PTK2B: variants seen among roughly 807,000 people sequenced by gnomAD.
PTK2B encodes the protein protein tyrosine kinase 2 beta.
A neutral mutation model predicts 142.9 loss-of-function variants in PTK2B; 71 were observed. That is an observed-to-expected ratio of 0.50 (90% CI 0.41 to 0.61). PTK2B has a LOEUF of 0.61. Ranked by LOEUF, PTK2B falls within the 20% of genes least tolerant of loss-of-function variation. The probability of loss-of-function intolerance (pLI) is 0.00; values close to 1 mark genes in which losing one functional copy is unlikely to be tolerated. For synonymous variants in PTK2B, 519 were observed against 503.4 expected, an observed-to-expected ratio of 1.03 and a Z score of -0.42; for missense variants, 1,105 against 1,320.4, an observed-to-expected ratio of 0.84 and a Z score of 2.53.
In PTK2B at chr8:27,397,505, T is replaced by C. The variant is rs527249328; in HGVS notation, c.-37-43T>C. ...CCTGGGGCCATGAGGTATGTGGGCC[T>C]GTGTGGGGCTCTTTCAGGGCTGACC... On this transcript the variant is annotated intron_variant, in intron 1 of 30. Coordinates refer to ENST00000346049, the MANE Select transcript of PTK2B (RefSeq NM_173176.3). 7.0e-5 allele frequency: 103 copies of C among 1,468,336 alleles called. No homozygotes were observed. The African/African-American group carries it at 1.2e-3, about 18-fold the overall frequency. The allele number at this position is 1,468,336 out of a possible 1,614,324, so 91.0% of individuals were successfully genotyped here. A position where few individuals can be genotyped will look rare whatever the true frequency, so the allele number is the denominator to read the frequency against.
Position 27,396,360 on chromosome 8 carries a change from C to T in PTK2B, c.-37-1188C>T, listed in dbSNP as rs1808051535. The T allele has an allele frequency of 2.0e-5, 3 of 152,236 alleles. No homozygotes were observed. In the South Asian group the frequency reaches 6.2e-4, roughly 32 times the overall value. The allele number at this position is 152,236 out of a possible 1,614,324, so 9.4% of individuals were successfully genotyped here. ...GTCAACTCCATCATTTTGCCCCCAACTCCTGGTCAAGGAATTTCCCTCCCT... is the reference window on the plus strand; with the variant it reads ...GTCAACTCCATCATTTTGCCCCCAATTCCTGGTCAAGGAATTTCCCTCCCT... On this transcript the variant is annotated intron_variant, in intron 1 of 30. Transcript: ENST00000346049.
At chr8:27,311,266 C>T, upstream of PTK2B, 1 of 1,472,006 alleles carries the variant, frequency 6.8e-7, no homozygotes, top group Non-Finnish European at 9.0e-7. Context: ...GCGCCCGGAA[C>T]TTTTGCTCCG....
At chr8:27,377,085 C>T (rs377241224) in intron 1 of PTK2B, among the ~76,000 whole-genome samples, 2 of 152,076 alleles carry the variant, frequency 1.3e-5, no homozygotes, top group South Asian at 4.2e-4. Context: ...TCTCACAGCT[C>T]CAGAGGCAGA....
chr8:27,362,517 C>T (rs1373804950), intron 1 of PTK2B, among the ~76,000 whole-genome samples: 1 of 152,110 alleles, frequency 6.6e-6, no homozygotes, highest in African/African-American at 2.4e-5. Context: ...CTGTGGGGAG[C>T]AGGGTTCTCT....
intron 2 of PTK2B, among the ~76,000 whole-genome samples, chr8:27,402,398 C>T (rs74630348): frequency 0.02 from 3,020 of 152,276 alleles, 102 homozygotes; most frequent in African/African-American, 0.068. Context: ...AACATCTTCA[C>T]ATGGAAATGC....
chr8:27,429,949 A>C, intron 5 of PTK2B, 144 bp from the exon 6 acceptor site: 1 of 774,282 alleles, frequency 1.3e-6, no homozygotes, highest in South Asian at 1.5e-5. Flanking sequence ...AAAATACTAA[A>C]TTTTATGACT....
At chr8:27,386,438 A>G (rs1807359626) in intron 1 of PTK2B, among the ~76,000 whole-genome samples, 2 of 152,172 alleles carry the variant, frequency 1.3e-5, no homozygotes, top group African/African-American at 4.8e-5. Context: ...CCATGAACAT[A>G]AGTTTTTCTT....
intron 2 of PTK2B, among the ~76,000 whole-genome samples, chr8:27,406,294 A>AT (rs368557662): frequency 1.5e-3 from 233 of 150,998 alleles, no homozygotes; most frequent in African/African-American, 5.2e-3. Context: ...AAAGCCCCCC[A>AT]TTTTTTTTTC....
At chr8:27,328,495 A>G (rs1477271568) in intron 1 of PTK2B, among the ~76,000 whole-genome samples, 2 of 152,212 alleles carry the variant, frequency 1.3e-5, no homozygotes, top group African/African-American at 4.8e-5. Flanking sequence ...CGGCTAGGTT[A>G]AAAATGGTCC....
At chr8:27,353,273 T>C (rs1297791556) in intron 1 of PTK2B, among the ~76,000 whole-genome samples, 3 of 152,186 alleles carry the variant, frequency 2.0e-5, no homozygotes, top group Non-Finnish European at 2.9e-5. Flanking sequence ...TCTCCAATAC[T>C]CAAGGGCAGT....
At position 27,440,234 on chromosome 8, in the gene PTK2B, C is replaced by T. The variant is rs2132232340; in HGVS notation, c.1835-3C>T. The T allele has an allele frequency of 1.2e-6, 2 of 1,614,106 alleles. No individual in the cohort carries two copies. The highest frequency in any genetic ancestry group is 4.5e-5 in the East Asian group (2 of 44,878). The stretch of plus-strand genomic sequence containing the variant: ...CAGGGCCTGACGCTCCCTTACACCC[C>T]AGCCGTGTGCATGTGGGAGATCCTG... On this transcript the variant is annotated splice_region_variant and splice_polypyrimidine_tract_variant and intron_variant, in intron 20 of 30. Transcript: ENST00000346049.
At chr8:27,434,406 A>G in intron 12 of PTK2B, 107 bp from the exon 13 acceptor site, 1 of 1,292,630 alleles carries the variant, frequency 7.7e-7, no homozygotes, top group Non-Finnish European at 1.1e-6. Context: ...TAATTTGGAC[A>G]GACTACTTCT....
At chr8:27,364,750 A>T (rs923578290) in intron 1 of PTK2B, among the ~76,000 whole-genome samples, 2 of 152,196 alleles carry the variant, frequency 1.3e-5, no homozygotes, top group African/African-American at 2.4e-5. Context: ...ACGGGAGAAG[A>T]TTGTAGGCAA....
Position 27,420,091 on chromosome 8 carries a change from G to A in PTK2B, c.383+18G>A, listed in dbSNP as rs1252843166. Reference sequence around the variant, plus strand: ...GAGTGGAGGTAGGAGTGGATTCCTGGGCTCTGGAAGTGGGAAGGAGAGGAA... The same window carrying A: ...GAGTGGAGGTAGGAGTGGATTCCTGAGCTCTGGAAGTGGGAAGGAGAGGAA... On this transcript the variant is annotated intron_variant, in intron 3 of 30. Transcript: ENST00000346049. 3 of 1,612,576 alleles carry A rather than the reference G, an allele frequency of 1.9e-6. No homozygotes were observed. Among genetic ancestry groups the A allele is most frequent in the Non-Finnish European group, 1.7e-6 (2 of 1,178,708 alleles).
chr8:27,381,152 C>A (rs1366942810), intron 1 of PTK2B, among the ~76,000 whole-genome samples: 1 of 152,102 alleles, frequency 6.6e-6, no homozygotes, highest in Admixed American at 6.5e-5. Context: ...AGAGTAATTA[C>A]CATATTCATC....
At chr8:27,360,726 G>T (rs1420466137) in intron 1 of PTK2B, among the ~76,000 whole-genome samples, 2 of 152,162 alleles carry the variant, frequency 1.3e-5, no homozygotes, top group African/African-American at 2.4e-5. Context: ...TTTCAAAAAA[G>T]GATGTGAAAG....
intron 27 of PTK2B, 130 bp from the exon 28 acceptor site, chr8:27,452,984 G>A: frequency 1.8e-6 from 2 of 1,115,704 alleles, no homozygotes; most frequent in South Asian, 3.0e-5. Flanking sequence ...CCCGCTTCCT[G>A]GATTCAGAGT....
intron 16 of PTK2B, 46 bp from the exon 17 acceptor site, chr8:27,437,350 A>G (rs765554468): frequency 6.3e-7 from 1 of 1,577,898 alleles, no homozygotes; most frequent in Non-Finnish European, 8.7e-7. Flanking sequence ...TCTGAATTGG[A>G]CCTTTGAGCC....
At chr8:27,402,820 C>T (rs898402378) in intron 2 of PTK2B, among the ~76,000 whole-genome samples, 1 of 152,244 alleles carries the variant, frequency 6.6e-6, no homozygotes, top group African/African-American at 2.4e-5. Flanking sequence ...TGTCATCACT[C>T]ATTTGATTCA....
Sources: allele counts gnomAD v4.1 joint callset (sites outside exome capture counted in the v4.1 genomes callset), GRCh38; gene constraint gnomAD v4.1.1; transcripts MANE v1.5; gene names NCBI Gene and HGNC (gene_info 2026-07-23, HGNC 2026-07-21).